The following CACNB2 variants were observed in gnomAD, a reference collection of about 807,000 sequenced individuals.
The protein encoded by CACNB2 is calcium voltage-gated channel auxiliary subunit beta 2.
Under a neutral mutation model 73.3 loss-of-function variants are expected in CACNB2, and 42 were observed. That is an observed-to-expected ratio of 0.57 (90% confidence interval 0.45 to 0.74). The LOEUF (loss-of-function observed/expected upper bound fraction) is 0.74, where lower values mean the gene tolerates loss of function less well. CACNB2 is among the 30% of genes least tolerant of loss of function. CACNB2 has a pLI of 0.00. For synonymous variants in CACNB2, 348 were observed against 310.3 expected (o/e 1.12, Z -1.28); for missense variants, 940 against 853.0 (o/e 1.10, Z -1.27).
At chr10:18,287,053 G>C (rs1437732807) in intron 2 of CACNB2, among the ~76,000 whole-genome samples, 1 of 152,190 alleles carries the variant, frequency 6.6e-6, no homozygotes, top group East Asian at 1.9e-4. Context: ...CATAGGCCAG[G>C]TGTGGTGCCT....
At chr10:18,515,052 C>T (rs1486512114) in intron 7 of CACNB2, 1 of 1,603,050 alleles carries the variant, frequency 6.2e-7, no homozygotes, top group East Asian at 2.2e-5. Flanking sequence ...GTGAGTTTTT[C>T]CTATTGTCAT....
rs369855436 is a variant in CACNB2 at position 18,539,985 on chromosome 10, T to C, written c.*261T>C. The C allele has an allele frequency of 3.9e-5, 15 of 381,786 alleles. No homozygotes were observed. The highest frequency in any genetic ancestry group is 2.6e-4 in the Admixed American group (6 of 22,796). The allele number at this position is 381,786 out of a possible 1,614,324, so 23.6% of individuals were successfully genotyped here. A position where few individuals can be genotyped will look rare whatever the true frequency, so the allele number is the denominator to read the frequency against. ...TGGACTCTTCAAAAACTGTTTTGGG[T>C]AGCTGCCACTTGAACAAAATCTGTT... is the stretch of plus-strand genomic sequence containing the variant. On this transcript the variant is annotated 3_prime_UTR_variant, in exon 14 of 14. Transcript: ENST00000324631.
intron 2 of CACNB2, among the ~76,000 whole-genome samples, chr10:18,235,336 T>C (rs1340449138): frequency 6.6e-6 from 1 of 151,730 alleles, no homozygotes; most frequent in East Asian, 1.9e-4. Flanking sequence ...TGCATGCTTG[T>C]AGTCTCAGCT....
intron 2 of CACNB2, among the ~76,000 whole-genome samples, chr10:18,315,516 AAAAAAAAAAAAAC>A (rs1564429251): frequency 4.6e-5 from 6 of 131,854 alleles, no homozygotes; most frequent in African/African-American, 1.8e-4. Flanking sequence ...AAAAAAAAAA[AAAAAAAAAAAAAC>A]TTTTTTTTTT....
chr10:18,190,736 A>C (rs745955258), intron 2 of CACNB2, among the ~76,000 whole-genome samples: 9 of 152,182 alleles, frequency 5.9e-5, no homozygotes, highest in Non-Finnish European at 1.2e-4. Context: ...GGGTTTGAGA[A>C]GGTGGTAGCA....
chr10:18,345,885 C>A (rs1010323572), intron 2 of CACNB2, among the ~76,000 whole-genome samples: 6 of 152,140 alleles, frequency 3.9e-5, no homozygotes, highest in Non-Finnish European at 8.8e-5. Flanking sequence ...AGCTAATAAC[C>A]ATTACGGAGA....
At chr10:18,309,867 A>G (rs1167680098) in intron 2 of CACNB2, among the ~76,000 whole-genome samples, 1 of 152,258 alleles carries the variant, frequency 6.6e-6, no homozygotes, top group African/African-American at 2.4e-5. Context: ...AAACCTGCAC[A>G]TAATAAAAAG....
At chr10:18,493,255 G>T (rs745659567) in intron 3 of CACNB2, among the ~76,000 whole-genome samples, 1 of 152,120 alleles carries the variant, frequency 6.6e-6, no homozygotes, top group Non-Finnish European at 1.5e-5. Context: ...TGCAGCCTCC[G>T]CCTCCTAGGT....
intron 2 of CACNB2, among the ~76,000 whole-genome samples, chr10:18,237,122 A>C (rs2036475732): frequency 6.6e-6 from 1 of 152,162 alleles, no homozygotes; most frequent in East Asian, 1.9e-4. Context: ...TTGTAGGGTA[A>C]ATGCATAGAG....
chr10:18,301,945 C>A (rs1564418293), intron 2 of CACNB2, among the ~76,000 whole-genome samples: 1 of 152,066 alleles, frequency 6.6e-6, no homozygotes, highest in Non-Finnish European at 1.5e-5. Flanking sequence ...CCGCGCCCAG[C>A]CGCCTGTTTC....
At chr10:18,437,699 T>C (rs949077885) in intron 3 of CACNB2, among the ~76,000 whole-genome samples, 1 of 152,174 alleles carries the variant, frequency 6.6e-6, no homozygotes, top group Non-Finnish European at 1.5e-5. Context: ...TGCCACAGTA[T>C]CTGACTATCT....
At chr10:18,304,967 A>G (rs2039672039) in intron 2 of CACNB2, among the ~76,000 whole-genome samples, 1 of 152,234 alleles carries the variant, frequency 6.6e-6, no homozygotes, top group African/African-American at 2.4e-5. Flanking sequence ...TGAAATGTCA[A>G]CTTTGAGAAA....
rs114702256 is a variant in CACNB2 at position 18,331,527 on chromosome 10, A to G, written c.214-70397A>G. 5.3e-3 allele frequency among the ~76,000 whole-genome samples: 801 copies of G among 151,676 alleles called. 7 individuals are homozygous for G. Among genetic ancestry groups the G allele is most frequent in the African/African-American group, 0.018 (733 of 41,348 alleles). On this transcript the variant is annotated intron_variant, in intron 2 of 13. Transcript: ENST00000324631. ...TTCTGACTTTTTTTTAACTTAAATT[A>G]ACTGAGAAGCCCTAGAGATTATAAC...
chr10:18,407,628 C>T (rs555809368), intron 3 of CACNB2, among the ~76,000 whole-genome samples: 2 of 151,984 alleles, frequency 1.3e-5, no homozygotes, highest in East Asian at 3.9e-4. Context: ...TAATTTCTTC[C>T]CCTATATTGT....
intron 2 of CACNB2, among the ~76,000 whole-genome samples, chr10:18,164,442 G>A (rs2032697969): frequency 6.6e-6 from 1 of 152,114 alleles, no homozygotes; most frequent in South Asian, 2.1e-4. Flanking sequence ...CCTTTACCAT[G>A]AGTAATTACC....
intron 2 of CACNB2, among the ~76,000 whole-genome samples, chr10:18,384,823 C>T (rs1371015784): frequency 6.6e-6 from 1 of 151,146 alleles, no homozygotes; most frequent in Admixed American, 6.6e-5. Context: ...TCAAGCATTA[C>T]AAGAGGTTAC....
chr10:18,300,971 A>G (rs1471656116), intron 2 of CACNB2, among the ~76,000 whole-genome samples: 1 of 152,246 alleles, frequency 6.6e-6, no homozygotes, highest in Non-Finnish European at 1.5e-5. Flanking sequence ...CCTAAGGACT[A>G]GTGTCAGTTC....
At chr10:18,193,223 T>C (rs1357249960) in intron 2 of CACNB2, among the ~76,000 whole-genome samples, 1 of 151,214 alleles carries the variant, frequency 6.6e-6, no homozygotes. Flanking sequence ...AAATATATAA[T>C]AAATTATATA....
chr10:18,379,446 G>A (rs111545647), intron 2 of CACNB2, among the ~76,000 whole-genome samples: 6 of 152,036 alleles, frequency 3.9e-5, no homozygotes, highest in Admixed American at 2.0e-4. Flanking sequence ...ACTCCTGACC[G>A]CAGGCGATCC....
Sources: gnomAD v4.1 joint callset for allele counts (sites outside exome capture counted in the v4.1 genomes callset) on GRCh38, gnomAD v4.1.1 for gene constraint, MANE v1.5 for transcripts, NCBI Gene and HGNC (gene_info 2026-07-23, HGNC 2026-07-21) for gene names.